TLR2: variants seen among roughly 807,000 people sequenced by gnomAD.
TLR2 encodes the protein toll like receptor 2.
Under a neutral mutation model 9.1 loss-of-function variants are expected in TLR2, and 7 were observed. That is an observed-to-expected ratio of 0.77 (90% CI 0.44 to 1.44). The LOEUF (loss-of-function observed/expected upper bound fraction) is 1.44, where lower values mean the gene tolerates loss of function less well. Ranked by LOEUF, TLR2 falls within the 40% of genes most tolerant of loss-of-function variation. The pLI, the probability that TLR2 is intolerant of heterozygous loss-of-function variation, is 0.01. For missense variants in TLR2, 812 were observed against 904.6 expected, an observed-to-expected ratio of 0.90 and a Z score of 1.31; for synonymous variants, 317 against 344.6, an observed-to-expected ratio of 0.92 and a Z score of 0.89.
chr4:153,703,424 C>T lies in TLR2; in HGVS notation c.517C>T (p.Leu173Phe). The change falls in exon 3 of 3, where the codon CTT (leucine) becomes TTT (phenylalanine). Residue 173 changes from leucine to phenylalanine, a missense_variant. Leu to Phe is a conservative substitution (Grantham distance 22). Transcript: ENST00000642700. The stretch of plus-strand genomic sequence containing the variant: ...GATTCAAAGAAAAGATTTTGCTGGA[C>T]TTACCTTCCTTGAGGAACTTGAGAT... ...TKIQRKDFAG[L>F]TFLEELEIDA... 6.2e-7 allele frequency: 1 copy of T among 1,614,096 alleles called. No homozygotes were observed. The highest frequency in any genetic ancestry group is 8.5e-7 in the Non-Finnish European group (1 of 1,180,012).
In TLR2 at chr4:153,703,315, C is replaced by A. The variant is rs1189758467; in HGVS notation, c.408C>A (p.Tyr136Ter). 5 of 1,612,664 alleles carry A rather than the reference C, an allele frequency of 3.1e-6. No homozygotes were observed. The highest frequency in any genetic ancestry group is 4.2e-6 in the Non-Finnish European group (5 of 1,179,750). The change falls in exon 3 of 3, where the codon TAC becomes TAA. Residue 136 changes from tyrosine to a stop codon, truncating the protein, a stop_gained. Coordinates refer to ENST00000642700, the MANE Select transcript of TLR2 (RefSeq NM_001318789.2). LOFTEE classifies it low-confidence loss of function (END_TRUNC). ...TCTTAAACTTACTGGGAAATCCTTA[C>A]AAAACCCTAGGGGAAACATCTCTTT... The part of the protein sequence containing the change: ...LTFLNLLGNP[Y>*]KTLGETSLFS...
chr4:153,691,170 C>G (rs1020171623), intron 2 of TLR2, among the ~76,000 whole-genome samples: 3 of 152,190 alleles, frequency 2.0e-5, no homozygotes, highest in African/African-American at 4.8e-5. Context: ...TAAAAACATT[C>G]TCAGCACCTT....
intron 2 of TLR2, among the ~76,000 whole-genome samples, chr4:153,690,155 C>T (rs1441103346): frequency 6.6e-6 from 1 of 152,242 alleles, no homozygotes; most frequent in Admixed American, 6.5e-5. Flanking sequence ...TGTTCTGCTT[C>T]TGTTTTTGCA....
At chr4:153,698,519 CT>C (rs1736662517) in intron 2 of TLR2, among the ~76,000 whole-genome samples, 1 of 152,108 alleles carries the variant, frequency 6.6e-6, no homozygotes, top group Non-Finnish European at 1.5e-5. Flanking sequence ...GTCCATATAG[CT>C]GCCATTATTA....
At chr4:153,710,068 C>T (rs1318925298), downstream of TLR2, 2 of 218,078 alleles carry the variant, frequency 9.2e-6, no homozygotes, top group Non-Finnish European at 1.8e-5. Flanking sequence ...CTCTGAAACA[C>T]TTTACAGATA....
chr4:153,689,094 C>A (rs570047649), intron 2 of TLR2, among the ~76,000 whole-genome samples: 1 of 152,206 alleles, frequency 6.6e-6, no homozygotes, highest in South Asian at 2.1e-4. Context: ...TTCAAGCACT[C>A]CAGTTCCTGG....
chr4:153,703,714 T>A lies in TLR2; in HGVS notation c.807T>A (p.Val269=), dbSNP rs1412977840. 1.9e-6 allele frequency: 3 copies of A among 1,613,748 alleles called. No individual in the cohort carries two copies. The highest frequency in any genetic ancestry group is 2.5e-6 in the Non-Finnish European group (3 of 1,179,950). ...VKITDESLFQ[V]MKLLNQISGL... ...TCACCGATGAAAGTTTGTTTCAGGT[T>A]ATGAAACTTTTGAATCAGATTTCTG... is the stretch of plus-strand genomic sequence containing the variant. The change falls in exon 3 of 3, where the codon GTT becomes GTA. Residue 269 remains valine (V), a synonymous_variant. Coordinates refer to ENST00000642700, the MANE Select transcript of TLR2 (RefSeq NM_001318789.2).
chr4:153,694,851 C>T (rs1736380070), intron 2 of TLR2, among the ~76,000 whole-genome samples: 1 of 152,180 alleles, frequency 6.6e-6, no homozygotes, highest in African/African-American at 2.4e-5. Context: ...CCTCTGTTAA[C>T]CATCATTCTA....
At chr4:153,690,346 G>A (rs527494927) in intron 2 of TLR2, among the ~76,000 whole-genome samples, 2 of 152,328 alleles carry the variant, frequency 1.3e-5, no homozygotes, top group South Asian at 2.1e-4. Flanking sequence ...ACAATGGTTT[G>A]TCCTTGAGAA....
rs368724610 is a variant in TLR2 at position 153,704,403 on chromosome 4, C to T, written c.1496C>T (p.Pro499Leu). 3 of 1,613,960 alleles carry T rather than the reference C, an allele frequency of 1.9e-6. No individual in the cohort carries two copies. Among genetic ancestry groups the T allele is most frequent in the Non-Finnish European group, 1.7e-6 (2 of 1,180,038 alleles). The change falls in exon 3 of 3, where the codon CCC (proline) becomes CTC (leucine). Residue 499 changes from proline to leucine, a missense_variant. Physicochemically the swap from Pro to Leu is moderately conservative, Grantham distance 98. Coordinates refer to ENST00000642700, the MANE Select transcript of TLR2 (RefSeq NM_001318789.2). ...ACTCTACCAGATGCCTCCCTCTTAC[C>T]CATGTTACTAGTATTGAAAATCAGT... ...LMTLPDASLL[P>L]MLLVLKISRN...
At chr4:153,707,043 C>G (rs1171335891), downstream of TLR2, among the ~76,000 whole-genome samples, 1 of 151,978 alleles carries the variant, frequency 6.6e-6, no homozygotes, top group Admixed American at 6.6e-5. Flanking sequence ...TATTATTTTC[C>G]AAGAAGATAT....
Position 153,704,637 on chromosome 4 carries a change from A to C in TLR2, c.1730A>C (p.Asp577Ala). The change falls in exon 3 of 3, where the codon GAT becomes GCT. Residue 577 changes from aspartate to alanine, a missense_variant. Transcript: ENST00000642700. The part of the protein sequence containing the change: ...PSHVRGQQVQ[D>A]VRLSVSECHR... ...CATGTGCGTGGCCAGCAGGTTCAGGATGTCCGCCTCTCGGTGTCGGAATGT... is the reference window on the plus strand; with the variant it reads ...CATGTGCGTGGCCAGCAGGTTCAGGCTGTCCGCCTCTCGGTGTCGGAATGT... 6.2e-7 allele frequency: 1 copy of C among 1,612,448 alleles called. No homozygotes were observed. The highest frequency in any genetic ancestry group is 8.5e-7 in the Non-Finnish European group (1 of 1,179,734).
intron 2 of TLR2, among the ~76,000 whole-genome samples, chr4:153,699,233 C>G (rs1696132045): frequency 6.6e-6 from 1 of 152,148 alleles, no homozygotes; most frequent in African/African-American, 2.4e-5. Flanking sequence ...ATTTAACTAT[C>G]AATCATAGGC....
downstream of TLR2, chr4:153,710,501 T>G (rs776955708): frequency 7.5e-6 from 12 of 1,608,466 alleles, no homozygotes; most frequent in South Asian, 1.3e-4. Flanking sequence ...TAAATCTCAG[T>G]TAAGGAGGTT....
chr4:153,693,424 T>A (rs1396849731), intron 2 of TLR2, among the ~76,000 whole-genome samples: 1 of 152,240 alleles, frequency 6.6e-6, no homozygotes, highest in Non-Finnish European at 1.5e-5. Context: ...AACAGGGAAC[T>A]GCTAAGCCTC....
At chr4:153,700,351 A>C (rs138238095) in intron 2 of TLR2, among the ~76,000 whole-genome samples, 2 of 152,318 alleles carry the variant, frequency 1.3e-5, no homozygotes, top group African/African-American at 4.8e-5. Flanking sequence ...TAAAGTATCG[A>C]ATAGAAATAA....
downstream of TLR2, among the ~76,000 whole-genome samples, chr4:153,708,445 A>G (rs142185007): frequency 9.7e-4 from 147 of 152,300 alleles, 1 homozygote; most frequent in African/African-American, 3.5e-3. Context: ...CCTACTATAT[A>G]GTAAGTATTG....
chr4:153,704,160 T>C lies in TLR2; in HGVS notation c.1253T>C (p.Ile418Thr). Reference sequence around the variant, plus strand: ...CTCACTCTGAAAAACTTGACTAACATTGATATCAGTAAGAATAGTTTTCAT... The same window carrying C: ...CTCACTCTGAAAAACTTGACTAACACTGATATCAGTAAGAATAGTTTTCAT... ...TLLTLKNLTNIDISKNSFHSM... is the reference protein window; with the variant it reads ...TLLTLKNLTNTDISKNSFHSM... Residue 418 changes from isoleucine (I) to threonine (T), a missense_variant, in exon 3 of 3, where the codon ATT becomes ACT. By Grantham distance (89) the Ile-to-Thr change is moderately conservative (BLOSUM62 -1). Transcript: ENST00000642700. The C allele has an allele frequency of 6.2e-7, 1 of 1,613,694 alleles. No homozygotes were observed. The highest frequency in any genetic ancestry group is 8.5e-7 in the Non-Finnish European group (1 of 1,179,944).
At position 153,703,478 on chromosome 4, in the gene TLR2, C is replaced by G; in HGVS notation, c.571C>G (p.Pro191Ala). ...TGCTTCAGATCTACAGAGCTATGAG[C>G]CAAAAAGTTTGAAGTCAATTCAGAA... ...IDASDLQSYEPKSLKSIQNVS... is the reference protein window; with the variant it reads ...IDASDLQSYEAKSLKSIQNVS... Residue 191 changes from proline (P) to alanine (A), a missense_variant, in exon 3 of 3, where the codon CCA (proline) becomes GCA (alanine). Pro to Ala is a conservative substitution (Grantham distance 27). Transcript: ENST00000642700. 6.2e-7 allele frequency: 1 copy of G among 1,613,542 alleles called. No homozygotes were observed. The highest frequency in any genetic ancestry group is 1.3e-5 in the African/African-American group (1 of 74,972).
Sources: gnomAD v4.1 joint callset for allele counts (sites outside exome capture counted in the v4.1 genomes callset) on GRCh38, gnomAD v4.1.1 for gene constraint, MANE v1.5 for transcripts, NCBI Gene and HGNC (gene_info 2026-07-23, HGNC 2026-07-21) for gene names.